MDN1: variants seen among roughly 807,000 people sequenced by gnomAD.
MDN1 encodes midasin AAA ATPase 1.
A neutral mutation model predicts 669.2 loss-of-function variants in MDN1; 266 were observed. The observed-to-expected ratio is 0.40, with a 90% CI of 0.36 to 0.44. The LOEUF is 0.44. Among genes scored for constraint, MDN1 ranks in the 20% least tolerant of loss-of-function variants. The pLI, the probability that MDN1 is intolerant of heterozygous loss-of-function variation, is 1.00. For missense variants in MDN1, 5,940 were observed against 6,754.0 expected, an observed-to-expected ratio of 0.88 and a Z score of 4.22; for synonymous variants, 2,385 against 2,457.1, an observed-to-expected ratio of 0.97 and a Z score of 0.87.
chr6:89,670,231 T>C (rs1332741225), intron 83 of MDN1, among the ~76,000 whole-genome samples: 1 of 135,958 alleles, frequency 7.4e-6, no homozygotes, highest in Non-Finnish European at 1.5e-5. Context: ...TGGAGTGCAA[T>C]GGCATGATTT....
At position 89,688,805 on chromosome 6, in the gene MDN1, A is replaced by C; in HGVS notation, c.11027T>G (p.Val3676Gly). The C allele has an allele frequency of 6.2e-7, 1 of 1,613,154 alleles. No individual in the cohort carries two copies. Among genetic ancestry groups the C allele is most frequent in the Non-Finnish European group, 8.5e-7 (1 of 1,179,270 alleles). Reference sequence around the variant, plus strand: ...GCCCAAGAGTCGGTCATTCAGTTCAACTCCTGTGAAGTTAACATCACGGTA... The same window carrying C: ...GCCCAAGAGTCGGTCATTCAGTTCACCTCCTGTGAAGTTAACATCACGGTA... ...LVTHFYPLMG[V>G]ELNDRLLGSQ... Residue 3676 changes from valine to glycine, a missense_variant, in exon 66 of 102, where the codon GTT (valine) becomes GGT (glycine). This residue lies in a region of MDN1 where 2,280 missense variants were observed against 2,576.3 expected (regional missense o/e 0.88). Transcript: ENST00000369393.
chr6:89,654,122 G>A (rs959023851), intron 93 of MDN1, 42 bp downstream of exon 93: 9 of 1,609,502 alleles, frequency 5.6e-6, no homozygotes, highest in Non-Finnish European at 7.6e-6. Context: ...ACTACTTCAA[G>A]TCAGAGCGCC....
chr6:89,773,738 G>A (rs955880759), intron 13 of MDN1, among the ~76,000 whole-genome samples: 3 of 151,702 alleles, frequency 2.0e-5, no homozygotes, highest in African/African-American at 7.3e-5. Flanking sequence ...GTCAAGGCAG[G>A]TGGATCACCT....
chr6:89,748,789 G>A (rs959552110), intron 26 of MDN1, among the ~76,000 whole-genome samples: 23 of 151,988 alleles, frequency 1.5e-4, no homozygotes, highest in Non-Finnish European at 1.9e-4. Context: ...GCCAAGAACT[G>A]TGGTTCACAC....
chr6:89,795,823 C>A (rs969850035), intron 2 of MDN1, among the ~76,000 whole-genome samples: 1 of 151,952 alleles, frequency 6.6e-6, no homozygotes, highest in African/African-American at 2.4e-5. Flanking sequence ...ATGGTGGTGG[C>A]TCATGCCTGT....
intron 5 of MDN1, among the ~76,000 whole-genome samples, chr6:89,793,513 G>A (rs1477717263): frequency 6.6e-6 from 1 of 152,172 alleles, no homozygotes; most frequent in Non-Finnish European, 1.5e-5. Flanking sequence ...AGGAGTTCCA[G>A]ATCAGCACAG....
In MDN1 at chr6:89,695,537, A is replaced by G. The variant is rs1455393017; in HGVS notation, c.9771+68T>C. 13 of 1,512,272 alleles carry G rather than the reference A, an allele frequency of 8.6e-6. No homozygotes were observed. Among genetic ancestry groups the G allele is most frequent in the Middle Eastern group, 1.8e-4 (1 of 5,620 alleles). 93.7% of individuals were successfully genotyped at this position (1,512,272 alleles called of 1,614,324 possible). Reference sequence around the variant, plus strand: ...TGAGCACCCAAAAGGGAATAAAAGGAGTAATACAATAAGCAAACCCAGCAC... The same window carrying G: ...TGAGCACCCAAAAGGGAATAAAAGGGGTAATACAATAAGCAAACCCAGCAC... On this transcript the variant is annotated intron_variant, in intron 61 of 101. Transcript: ENST00000369393. This position sits in a 1 kb window ranked among gnomAD's most constrained non-coding sequence, Gnocchi z 4.1.
intron 2 of MDN1, among the ~76,000 whole-genome samples, chr6:89,796,983 G>A (rs559957122): frequency 4.5e-4 from 69 of 152,152 alleles, no homozygotes; most frequent in South Asian, 1.5e-3. Context: ...CAGAAGAATC[G>A]CTTGAACCTG....
Position 89,718,874 on chromosome 6 carries a change from T to G in MDN1, c.6214A>C (p.Lys2072Gln). Reference sequence around the variant, plus strand: ...GCCAGAAGCTGGACCAGGCTGGTCTTGCCCACAGAGGCTGGCCCGACCAGG... The same window carrying G: ...GCCAGAAGCTGGACCAGGCTGGTCTGGCCCACAGAGGCTGGCCCGACCAGG... ...VILVGPASVG[K>Q]TSLVQLLAHL... Residue 2072 changes from lysine (K) to glutamine (Q), a missense_variant, in exon 42 of 102, where the codon AAG (lysine) becomes CAG (glutamine). This residue lies in a region of MDN1 where 2,292 missense variants were observed against 2,638.3 expected (regional missense o/e 0.87). Transcript: ENST00000369393. 4 of 1,614,206 alleles carry G rather than the reference T, an allele frequency of 2.5e-6. No homozygotes were observed. Among genetic ancestry groups the G allele is most frequent in the Non-Finnish European group, 3.4e-6 (4 of 1,180,040 alleles).
chr6:89,701,697 G>A lies in MDN1; in HGVS notation c.8307-19C>T, dbSNP rs1813172698. 1.2e-6 allele frequency: 2 copies of A among 1,606,170 alleles called. No individual in the cohort carries two copies. Among genetic ancestry groups the A allele is most frequent in the East Asian group, 2.2e-5 (1 of 44,806 alleles). ...GTAATATCTTTAAAGGAGAACAAGG[G>A]CACAGGGGAAATAAGGAAAGGGGGA... is the stretch of plus-strand genomic sequence containing the variant. On this transcript the variant is annotated intron_variant, in intron 54 of 101. Coordinates refer to ENST00000369393, the MANE Select transcript of MDN1 (RefSeq NM_014611.3).
chr6:89,728,902 T>C (rs747759800), intron 36 of MDN1, 29 bp downstream of exon 36: 1 of 1,579,524 alleles, frequency 6.3e-7, no homozygotes, highest in South Asian at 1.1e-5. Context: ...TATAGCTATC[T>C]CCATCAGCTG....
intron 88 of MDN1, among the ~76,000 whole-genome samples, chr6:89,661,043 A>G (rs2128301069): frequency 6.6e-6 from 1 of 152,274 alleles, no homozygotes; most frequent in East Asian, 1.9e-4. Flanking sequence ...TGAAACCATC[A>G]TTTCCCTAAA....
intron 20 of MDN1, among the ~76,000 whole-genome samples, chr6:89,755,971 G>C (rs940734788): frequency 6.6e-6 from 1 of 152,064 alleles, no homozygotes. Context: ...GATTCAAAAC[G>C]CAAGCCATGT....
In MDN1 at chr6:89,719,314, G is replaced by A. The variant is rs1400448433; in HGVS notation, c.5968-89C>T. 14 of 1,047,434 alleles carry A rather than the reference G, an allele frequency of 1.3e-5. No homozygotes were observed. The East Asian group carries it at 3.3e-4, about 24-fold the overall frequency. 64.9% of individuals were successfully genotyped at this position (1,047,434 alleles called of 1,614,324 possible). A position where few individuals can be genotyped will look rare whatever the true frequency, so the allele number is the denominator to read the frequency against. ...CTAGAAAACAAGCACAGTGATAAGA[G>A]TCACTATTCTAAAAACACTGGCCAC... On this transcript the variant is annotated intron_variant, in intron 40 of 101. Transcript: ENST00000369393.
intron 88 of MDN1, 95 bp from the exon 89 acceptor site, chr6:89,659,012 C>A: frequency 7.9e-7 from 1 of 1,264,572 alleles, no homozygotes; most frequent in Non-Finnish European, 1.1e-6. Flanking sequence ...TGTCTTATTA[C>A]AATTCTCTAA....
In MDN1 at chr6:89,751,568, T is replaced by A. The variant is rs1375141406; in HGVS notation, c.3090A>T (p.Pro1030=). 3 of 1,614,086 alleles carry A rather than the reference T, an allele frequency of 1.9e-6. No homozygotes were observed. The highest frequency in any genetic ancestry group is 2.5e-6 in the Non-Finnish European group (3 of 1,180,002). The change falls in exon 23 of 102, where the codon CCA becomes CCT. Residue 1030 remains proline (P), a synonymous_variant. Coordinates refer to ENST00000369393, the MANE Select transcript of MDN1 (RefSeq NM_014611.3). The stretch of plus-strand genomic sequence containing the variant: ...CAACCTGGATAAGCCGACCTCCTTT[T>A]GGCTCTGGAATAGGCTGAAAGACAC... ...KSLLKQPIPE[P]KGGRLIQVEG... is the part of the protein sequence containing the mutation.
chr6:89,797,836 G>C (rs957880777), intron 2 of MDN1: 1 of 211,090 alleles, frequency 4.7e-6, no homozygotes, highest in Non-Finnish European at 9.7e-6. Flanking sequence ...AACAATCCAA[G>C]TGAAAGAGGA....
intron 65 of MDN1, among the ~76,000 whole-genome samples, chr6:89,689,268 C>T (rs373657904): frequency 3.3e-5 from 5 of 152,308 alleles, no homozygotes; most frequent in African/African-American, 1.2e-4. Flanking sequence ...CTAAAGCTCT[C>T]AAGTTTCTGG....
chr6:89,730,814 A>T lies in MDN1; in HGVS notation c.5052T>A (p.Asn1684Lys). ...KIVRLTEYQK[N>K]ELKIYDRMKA... ...TCATTCTGTCATAAATCTTCAACTC[A>T]TTTTTCTGATATTCTGTAAGTCGTA... Residue 1684 changes from asparagine to lysine, a missense_variant, in exon 35 of 102, where the codon AAT becomes AAA. Asn to Lys is a moderately conservative substitution (Grantham distance 94). This residue lies in a region of MDN1 where 2,292 missense variants were observed against 2,638.3 expected (regional missense o/e 0.87). Transcript: ENST00000369393. The T allele has an allele frequency of 6.2e-7, 1 of 1,613,894 alleles. No homozygotes were observed. Among genetic ancestry groups the T allele is most frequent in the Non-Finnish European group, 8.5e-7 (1 of 1,179,936 alleles).
Sources: allele counts gnomAD v4.1 joint callset (sites outside exome capture counted in the v4.1 genomes callset), GRCh38; gene constraint gnomAD v4.1.1; regional missense constraint gnomAD v4.1.1; non-coding constraint Gnocchi (gnomAD v3.1); transcripts MANE v1.5; gene names NCBI Gene and HGNC (gene_info 2026-07-23, HGNC 2026-07-21).